Variants in LY96 observed in about 807,000 individuals in gnomAD.
LY96 encodes the protein lymphocyte antigen 96, also known as myeloid differentiation protein-2.
A neutral mutation model predicts 18.9 loss-of-function variants in LY96; 18 were observed. The observed-to-expected ratio is 0.95, with a 90% CI of 0.66 to 1.41. The LOEUF is 1.41. LY96 is among the 40% of genes most tolerant of loss of function. The pLI is 0.00. For missense variants in LY96, 175 were observed against 182.4 expected (o/e 0.96, Z 0.23); for synonymous variants, 66 against 62.6 (o/e 1.06, Z -0.26).
the LY96 span, among the ~76,000 whole-genome samples, chr8:74,047,556 G>C: frequency 6.6e-6 from 1 of 152,194 alleles, no homozygotes; most frequent in African/African-American, 2.4e-5. Context: ...AGATACAAGA[G>C]AAAAACTATT....
At chr8:74,095,634 A>T in the LY96 span, among the ~76,000 whole-genome samples, 1 of 152,130 alleles carries the variant, frequency 6.6e-6, no homozygotes, top group Non-Finnish European at 1.5e-5. Flanking sequence ...CTTCCAGCAA[A>T]CATTTTCTTC....
chr8:74,042,771 GT>G, the LY96 span, among the ~76,000 whole-genome samples: 3 of 149,284 alleles, frequency 2.0e-5, no homozygotes, highest in Non-Finnish European at 4.5e-5. Context: ...GAGAACTTTT[GT>G]TTTGTTACCT....
At chr8:74,088,524 C>CCTCTCAA in the LY96 span, among the ~76,000 whole-genome samples, 1 of 152,158 alleles carries the variant, frequency 6.6e-6, no homozygotes, top group African/African-American at 2.4e-5. Context: ...TCTCTTCCCT[C>CCTCTCAA]CCCTCAACCT....
intron 2 of LY96, among the ~76,000 whole-genome samples, chr8:74,006,689 G>T (rs1216268773): frequency 6.6e-6 from 1 of 152,148 alleles, no homozygotes; most frequent in Non-Finnish European, 1.5e-5. Context: ...CTTGGCTAAG[G>T]CTCTACAGTT....
chr8:73,995,864 G>T (rs1347684113), intron 1 of LY96, among the ~76,000 whole-genome samples: 1 of 152,158 alleles, frequency 6.6e-6, no homozygotes, highest in Non-Finnish European at 1.5e-5. Flanking sequence ...AAAGACAAAA[G>T]TCCCTGCCCT....
intron 1 of LY96, among the ~76,000 whole-genome samples, chr8:73,992,368 G>T (rs1033757686): frequency 6.6e-6 from 1 of 152,162 alleles, no homozygotes; most frequent in Non-Finnish European, 1.5e-5. Flanking sequence ...TTAAAGTGGT[G>T]CTTCCCAAAA....
chr8:74,079,166 C>T, the LY96 span, among the ~76,000 whole-genome samples: 4 of 152,172 alleles, frequency 2.6e-5, no homozygotes, highest in African/African-American at 9.6e-5. Flanking sequence ...TGAATTTGCT[C>T]TCTGCTTGAG....
chr8:74,019,840 T>G (rs1485152929), intron 3 of LY96, among the ~76,000 whole-genome samples: 1 of 152,192 alleles, frequency 6.6e-6, no homozygotes, highest in East Asian at 1.9e-4. Context: ...TGTCACTAGA[T>G]GCAGAAAAGG....
At chr8:74,089,610 G>T in the LY96 span, among the ~76,000 whole-genome samples, 3 of 152,214 alleles carry the variant, frequency 2.0e-5, no homozygotes, top group Non-Finnish European at 4.4e-5. Context: ...AATGTTTGAG[G>T]CTCTGGAGAT....
chr8:74,068,701 A>G, the LY96 span, among the ~76,000 whole-genome samples: 4 of 152,184 alleles, frequency 2.6e-5, no homozygotes, highest in Non-Finnish European at 4.4e-5. Flanking sequence ...GAATTTTTTC[A>G]TATCCTTATT....
chr8:74,002,816 T>C (rs11775465), intron 1 of LY96, among the ~76,000 whole-genome samples: 46,212 of 151,970 alleles, frequency 0.3, 7,211 homozygotes, highest in Admixed American at 0.36. Context: ...TCAGGTGATC[T>C]GCCCGCCTCG....
At chr8:74,081,439 T>G in the LY96 span, among the ~76,000 whole-genome samples, 1 of 151,686 alleles carries the variant, frequency 6.6e-6, no homozygotes, top group South Asian at 2.1e-4. Flanking sequence ...ATTTTTTTTT[T>G]TTTGGAGAGA....
chr8:73,993,817 G>A, intron 1 of LY96, among the ~76,000 whole-genome samples: 1 of 117,122 alleles, frequency 8.5e-6, no homozygotes, highest in African/African-American at 3.2e-5. Context: ...GGGCTCAAGT[G>A]ATTCTCCCAC....
chr8:74,063,279 G>A, the LY96 span, among the ~76,000 whole-genome samples: 2 of 152,198 alleles, frequency 1.3e-5, no homozygotes, highest in Non-Finnish European at 2.9e-5. Flanking sequence ...TGACTTATTA[G>A]AAGTCACACA....
chr8:74,047,115 T>C, the LY96 span, among the ~76,000 whole-genome samples: 1 of 152,186 alleles, frequency 6.6e-6, no homozygotes, highest in African/African-American at 2.4e-5. Flanking sequence ...TTGGCCAGGC[T>C]GGTCTCAAGT....
the LY96 span, among the ~76,000 whole-genome samples, chr8:74,088,414 G>C: frequency 6.6e-6 from 1 of 152,150 alleles, no homozygotes; most frequent in Admixed American, 6.5e-5. Context: ...CAGTTGCTAA[G>C]TCTTCTGAGA....
the LY96 span, among the ~76,000 whole-genome samples, chr8:74,080,049 T>C: frequency 0.01 from 1,528 of 152,192 alleles, 77 homozygotes; most frequent in Admixed American, 0.076. Context: ...TCATTTGCAA[T>C]GAAAAGAGCG....
the LY96 span, among the ~76,000 whole-genome samples, chr8:74,053,235 T>C: frequency 6.6e-6 from 1 of 152,172 alleles, no homozygotes; most frequent in African/African-American, 2.4e-5. Context: ...CCTCCTGAAA[T>C]CTCTGTCTCT....
intron 1 of LY96, among the ~76,000 whole-genome samples, chr8:74,003,886 C>A (rs750394694): frequency 2.0e-5 from 3 of 152,088 alleles, no homozygotes; most frequent in African/African-American, 7.2e-5. Context: ...CACTATTAGC[C>A]TGGTTAGAGA....
Sources: allele counts gnomAD v4.1 joint callset (sites outside exome capture counted in the v4.1 genomes callset), GRCh38; gene constraint gnomAD v4.1.1; transcripts MANE v1.5; gene names NCBI Gene and HGNC (gene_info 2026-07-23, HGNC 2026-07-21).